The following MYO16 variants were observed in gnomAD, a reference collection of about 807,000 sequenced individuals.
MYO16 encodes myosin XVI.
Under a neutral mutation model 205.3 loss-of-function variants are expected in MYO16, and 94 were observed. That is an observed-to-expected ratio of 0.46 (90% CI 0.39 to 0.54). The LOEUF (loss-of-function observed/expected upper bound fraction) is 0.54, where lower values mean the gene tolerates loss of function less well. Among genes scored for constraint, MYO16 ranks in the 20% least tolerant of loss-of-function variants. The pLI is 0.00. For missense variants in MYO16, 2,315 were observed against 2,387.5 expected (o/e 0.97, Z 0.63); for synonymous variants, 988 against 954.0 (o/e 1.04, Z -0.66).
At chr13:108,538,301 A>G in the MYO16 span, among the ~76,000 whole-genome samples, 1 of 152,138 alleles carries the variant, frequency 6.6e-6, no homozygotes, top group African/African-American at 2.4e-5. Flanking sequence ...TGCAGATAGG[A>G]GAAGTAATCA....
At chr13:109,134,000 T>C (rs1876657158) in intron 31 of MYO16, among the ~76,000 whole-genome samples, 1 of 152,238 alleles carries the variant, frequency 6.6e-6, no homozygotes. Context: ...CTGATGTTAC[T>C]GAACCCCAGA....
intron 7 of MYO16, among the ~76,000 whole-genome samples, chr13:108,816,629 T>C: frequency 6.6e-6 from 1 of 152,212 alleles, no homozygotes; most frequent in East Asian, 1.9e-4. Context: ...ACCTGATAAT[T>C]AACTACTTTG....
At chr13:109,182,983 A>G (rs936981304) in intron 34 of MYO16, among the ~76,000 whole-genome samples, 2 of 152,214 alleles carry the variant, frequency 1.3e-5, no homozygotes, top group Non-Finnish European at 2.9e-5. Context: ...GAGATACGAC[A>G]TCATGGAATT....
chr13:108,650,854 A>T (rs1880969169), intron 1 of MYO16, among the ~76,000 whole-genome samples: 1 of 152,210 alleles, frequency 6.6e-6, no homozygotes, highest in African/African-American at 2.4e-5. Flanking sequence ...CTTCATCTGA[A>T]GGCATCTGGA....
At chr13:109,008,255 T>C (rs1219706963) in intron 21 of MYO16, among the ~76,000 whole-genome samples, 5 of 152,214 alleles carry the variant, frequency 3.3e-5, no homozygotes, top group African/African-American at 1.2e-4. Flanking sequence ...AATCTGAAAC[T>C]GTGTCATTGA....
intron 33 of MYO16, among the ~76,000 whole-genome samples, chr13:109,172,049 T>G (rs1005214683): frequency 1.3e-5 from 2 of 152,162 alleles, no homozygotes; most frequent in Non-Finnish European, 2.9e-5. Context: ...ACTTAGGCCA[T>G]TAGGGCGCCA....
intron 2 of MYO16, 84 bp downstream of exon 2, chr13:108,666,233 A>G (rs1881724353): frequency 7.1e-7 from 1 of 1,410,514 alleles, no homozygotes; most frequent in African/African-American, 1.4e-5. Flanking sequence ...TTTGATGGAG[A>G]GATGGGGCAG....
At chr13:108,911,044 C>CAA (rs1881236193) in intron 16 of MYO16, among the ~76,000 whole-genome samples, 1 of 117,436 alleles carries the variant, frequency 8.5e-6, no homozygotes, top group African/African-American at 2.9e-5. Context: ...AACACACACA[C>CAA]ACACACACAC....
chr13:108,741,518 A>G (rs1884909936), intron 4 of MYO16, among the ~76,000 whole-genome samples: 1 of 152,186 alleles, frequency 6.6e-6, no homozygotes, highest in South Asian at 2.1e-4. Flanking sequence ...AGCTGAAACA[A>G]CAGGCAGTTT....
At chr13:108,748,717 C>T (rs1259290418) in intron 4 of MYO16, among the ~76,000 whole-genome samples, 4 of 151,994 alleles carry the variant, frequency 2.6e-5, no homozygotes, top group East Asian at 1.9e-4. Context: ...AACAGCAATG[C>T]AAAAGAGAAA....
rs9583290 is a variant in MYO16 at position 108,772,592 on chromosome 13, A to C, written c.508-13043A>C. The stretch of plus-strand genomic sequence containing the variant: ...TCCTGAATTACATCCTAAGCCTTGG[A>C]AAAAAAAAATGCGATCAAGTGCATA... On this transcript the variant is annotated intron_variant, in intron 4 of 34. Coordinates refer to ENST00000457511, the MANE Select transcript of MYO16 (RefSeq NM_001198950.3). Among the ~76,000 whole-genome samples the C allele has an allele frequency of 1.7e-4, 25 of 149,476 alleles. No individual in the cohort carries two copies. In the East Asian group the frequency reaches 3.9e-3, roughly 23 times the overall value.
the MYO16 span, among the ~76,000 whole-genome samples, chr13:108,504,450 T>G: frequency 6.6e-6 from 1 of 151,372 alleles, no homozygotes; most frequent in Non-Finnish European, 1.5e-5. Context: ...GTGTTAATCT[T>G]GCAAAGCCGA....
intron 12 of MYO16, among the ~76,000 whole-genome samples, chr13:108,874,295 C>T (rs1237661509): frequency 6.6e-6 from 1 of 151,900 alleles, no homozygotes; most frequent in Admixed American, 6.6e-5. Context: ...GAAGAATGGA[C>T]TAGAGCCACA....
intron 4 of MYO16, among the ~76,000 whole-genome samples, chr13:108,754,673 C>A (rs1350546987): frequency 1.3e-5 from 2 of 152,200 alleles, no homozygotes; most frequent in Non-Finnish European, 2.9e-5. Flanking sequence ...AAATCATCCT[C>A]TTCCTAGCTG....
intron 10 of MYO16, among the ~76,000 whole-genome samples, chr13:108,853,954 T>TTGTGGGTGTGTGTG (rs1555305769): frequency 1.4e-5 from 2 of 138,500 alleles, no homozygotes; most frequent in African/African-American, 5.3e-5. Context: ...GTTTCTATTA[T>TTGTGGGTGTGTGTG]TGTGTGTGTG....
Position 109,055,001 on chromosome 13 carries a change from T to C in MYO16, c.3049-45T>C, listed in dbSNP as rs1887365112. 2 of 1,299,124 alleles carry C rather than the reference T, an allele frequency of 1.5e-6. No homozygotes were observed. Among genetic ancestry groups the C allele is most frequent in the Non-Finnish European group, 2.2e-6 (2 of 927,870 alleles). 80.5% of individuals were successfully genotyped at this position (1,299,124 alleles called of 1,614,324 possible). A position where few individuals can be genotyped will look rare whatever the true frequency, so the allele number is the denominator to read the frequency against. Reference sequence around the variant, plus strand: ...TTCCTCCTTCTTCCTTTCCTTTCCTTTCCTTTCTTTTCTCCTGTCCTTCTT... The same window carrying C: ...TTCCTCCTTCTTCCTTTCCTTTCCTCTCCTTTCTTTTCTCCTGTCCTTCTT... On this transcript the variant is annotated intron_variant, in intron 25 of 34. Transcript: ENST00000457511. The surrounding 1 kb of genome is among the most constrained non-coding windows in gnomAD (Gnocchi z 5.0).
At chr13:108,610,009 G>T (rs1291797697) in intron 1 of MYO16, among the ~76,000 whole-genome samples, 2 of 151,870 alleles carry the variant, frequency 1.3e-5, no homozygotes, top group African/African-American at 2.4e-5. Flanking sequence ...GTATATAAGA[G>T]AAACAGGAAA....
chr13:109,100,997 G>T, intron 28 of MYO16, 110 bp downstream of exon 28: 1 of 907,306 alleles, frequency 1.1e-6, no homozygotes, highest in East Asian at 2.7e-5. Context: ...TTCCTTTGAT[G>T]TGTTTGGCAA....
intron 4 of MYO16, among the ~76,000 whole-genome samples, chr13:108,753,370 C>CAAAAAAAAAAAAAAAAAAAA (rs534466420): frequency 2.4e-4 from 27 of 111,778 alleles, no homozygotes; most frequent in African/African-American, 9.5e-4. Flanking sequence ...AACTCTGTGA[C>CAAAAAAAAAAAAAAAAAAAA]AAAAAAAAAA....
Sources: gnomAD v4.1 joint callset for allele counts (sites outside exome capture counted in the v4.1 genomes callset) on GRCh38, gnomAD v4.1.1 for gene constraint, Gnocchi (gnomAD v3.1) non-coding constraint, MANE v1.5 for transcripts, NCBI Gene and HGNC (gene_info 2026-07-23, HGNC 2026-07-21) for gene names.